GLIS3: variants seen among roughly 807,000 people sequenced by gnomAD.
GLIS3 encodes zinc finger protein GLIS3.
Under a neutral mutation model 78.6 loss-of-function variants are expected in GLIS3, and 53 were observed. The observed-to-expected ratio is 0.67, with a 90% confidence interval of 0.54 to 0.85. The LOEUF (loss-of-function observed/expected upper bound fraction) is 0.85, where lower values mean the gene tolerates loss of function less well. Among genes scored for constraint, GLIS3 ranks in the 40% least tolerant of loss-of-function variants. The probability of loss-of-function intolerance (pLI) is 0.00; values close to 1 mark genes in which losing one functional copy is unlikely to be tolerated. For synonymous variants in GLIS3, 684 were observed against 509.9 expected (o/e 1.34, Z -4.60); for missense variants, 1,703 against 1,231.1 (o/e 1.38, Z -5.74).
At chr9:4,270,204 G>A (rs1261071000) in intron 2 of GLIS3, among the ~76,000 whole-genome samples, 2 of 152,170 alleles carry the variant, frequency 1.3e-5, no homozygotes, top group East Asian at 3.8e-4. Context: ...CACCATGTCT[G>A]GTGTATCACA....
rs113160370 is a variant in GLIS3 at position 4,178,627 on chromosome 9, A to T, written c.389-52686T>A. Among the ~76,000 whole-genome samples, 3 of 152,236 alleles carry T rather than the reference A, an allele frequency of 2.0e-5. No individual in the cohort carries two copies. In the South Asian group the frequency reaches 6.2e-4, roughly 32 times the overall value. On this transcript the variant is annotated intron_variant, in intron 2 of 10. Transcript: ENST00000381971. ...CAAGTGCAAATATAACCCCTGACATAGCAACCACAGTTTATCATAAACACA... is the reference window on the plus strand; with the variant it reads ...CAAGTGCAAATATAACCCCTGACATTGCAACCACAGTTTATCATAAACACA...
chr9:4,303,080 A>G (rs557868568), upstream of GLIS3, among the ~76,000 whole-genome samples: 1 of 152,280 alleles, frequency 6.6e-6, no homozygotes, highest in African/African-American at 2.4e-5. Context: ...CCTGACAGCA[A>G]AACTTCAGAA....
the GLIS3 span, among the ~76,000 whole-genome samples, chr9:4,487,990 C>T: frequency 6.6e-5 from 10 of 152,184 alleles, no homozygotes; most frequent in African/African-American, 2.4e-4. Context: ...ACACGCCCAG[C>T]TCTATGGTAG....
At chr9:4,298,472 C>G (rs1224260194) in intron 1 of GLIS3, 1 of 448,554 alleles carries the variant, frequency 2.2e-6, no homozygotes, top group Non-Finnish European at 4.5e-6. Context: ...GGTGACTTGT[C>G]AGCTCCAGTG....
chr9:4,363,042 G>A, the GLIS3 span, among the ~76,000 whole-genome samples: 1 of 152,176 alleles, frequency 6.6e-6, no homozygotes, highest in South Asian at 2.1e-4. Context: ...TATTTACTCT[G>A]TGAATTGGAG....
rs564922082 is a variant in GLIS3 at position 4,134,671 on chromosome 9, T to A, written c.389-8730A>T. ...GGAATGATATTTTTAGTAATGCAAA[T>A]TGAGCCATAATGGGGAGAATGATTA... On this transcript the variant is annotated intron_variant, in intron 2 of 10. Coordinates refer to ENST00000381971, the MANE Select transcript of GLIS3 (RefSeq NM_001042413.2). 9.1e-4 allele frequency among the ~76,000 whole-genome samples: 139 copies of A among 152,316 alleles called. 1 individual carries two copies. The highest frequency in any genetic ancestry group is 1.7e-3 in the East Asian group (9 of 5,182).
chr9:4,140,523 A>G (rs1833731010), intron 2 of GLIS3, among the ~76,000 whole-genome samples: 1 of 152,154 alleles, frequency 6.6e-6, no homozygotes, highest in Non-Finnish European at 1.5e-5. Context: ...AGTAATGAAG[A>G]TTACATTATT....
chr9:3,963,963 A>G (rs866142951), intron 4 of GLIS3, among the ~76,000 whole-genome samples: 4 of 152,264 alleles, frequency 2.6e-5, no homozygotes, highest in Middle Eastern at 3.4e-3. Context: ...ACTTTTTCCA[A>G]TCTGTGATGG....
At chr9:4,481,151 C>T in the GLIS3 span, among the ~76,000 whole-genome samples, 1 of 152,096 alleles carries the variant, frequency 6.6e-6, no homozygotes, top group South Asian at 2.1e-4. Context: ...CCACCTCACC[C>T]AGCCCTATCT....
chr9:4,001,758 C>T (rs552185527), intron 4 of GLIS3, among the ~76,000 whole-genome samples: 15 of 152,108 alleles, frequency 9.9e-5, no homozygotes, highest in African/African-American at 3.6e-4. Context: ...TTTGCAGATA[C>T]CAGCTTTCAA....
the GLIS3 span, among the ~76,000 whole-genome samples, chr9:4,360,764 T>C: frequency 1.3e-5 from 2 of 152,176 alleles, no homozygotes; most frequent in African/African-American, 2.4e-5. Flanking sequence ...TTGTGTTGAG[T>C]GTGTTGAGGC....
At chr9:4,244,636 G>A (rs904382531) in intron 2 of GLIS3, among the ~76,000 whole-genome samples, 7 of 152,016 alleles carry the variant, frequency 4.6e-5, no homozygotes, top group Non-Finnish European at 8.8e-5. Flanking sequence ...ATGCAATGGT[G>A]CAATCTTGGC....
chr9:3,838,024 C>T (rs949325352), intron 9 of GLIS3, among the ~76,000 whole-genome samples: 1 of 151,968 alleles, frequency 6.6e-6, no homozygotes, highest in Non-Finnish European at 1.5e-5. Flanking sequence ...TGTGTGGGAA[C>T]TCCCTGCACT....
At chr9:4,053,049 G>A (rs28568917) in intron 4 of GLIS3, among the ~76,000 whole-genome samples, 7,809 of 152,208 alleles carry the variant, frequency 0.051, 530 homozygotes, top group East Asian at 0.23. Context: ...CTAAGTTCAA[G>A]CAATTCTCCT....
chr9:3,937,890 T>G (rs968860167), intron 4 of GLIS3, among the ~76,000 whole-genome samples: 1 of 152,222 alleles, frequency 6.6e-6, no homozygotes, highest in African/African-American at 2.4e-5. Flanking sequence ...CTTTTTTTAC[T>G]TTTTAGACAT....
At chr9:4,397,756 G>C in the GLIS3 span, among the ~76,000 whole-genome samples, 8 of 149,380 alleles carry the variant, frequency 5.4e-5, no homozygotes, top group South Asian at 2.2e-4. Context: ...AAGAGGAAAG[G>C]AGAGGAGAGG....
chr9:3,852,697 G>GTAAGA (rs1819509992), intron 9 of GLIS3, among the ~76,000 whole-genome samples: 1 of 152,218 alleles, frequency 6.6e-6, no homozygotes, highest in Non-Finnish European at 1.5e-5. Flanking sequence ...GGAGAAGGAA[G>GTAAGA]TAAGGCTACA....
chr9:4,277,291 C>T (rs956895247), intron 2 of GLIS3, among the ~76,000 whole-genome samples: 9 of 152,114 alleles, frequency 5.9e-5, no homozygotes, highest in African/African-American at 2.2e-4. Flanking sequence ...TATGATGTGG[C>T]AGTGGAGAAA....
At chr9:4,222,715 G>C (rs1339114826) in intron 2 of GLIS3, among the ~76,000 whole-genome samples, 6 of 152,144 alleles carry the variant, frequency 3.9e-5, no homozygotes, top group African/African-American at 9.7e-5. Context: ...ACTAGATATG[G>C]GCAGCACCAA....
Sources: allele counts gnomAD v4.1 joint callset (sites outside exome capture counted in the v4.1 genomes callset), GRCh38; gene constraint gnomAD v4.1.1; transcripts MANE v1.5; gene names NCBI Gene and HGNC (gene_info 2026-07-23, HGNC 2026-07-21).